RIPK2: variants seen among roughly 807,000 people sequenced by gnomAD.
The protein encoded by RIPK2 is receptor-interacting serine/threonine-protein kinase 2.
In RIPK2, 38 loss-of-function variants were observed where a neutral mutation model predicts 60.9. The observed-to-expected ratio is 0.62, with a 90% CI of 0.48 to 0.82. RIPK2 has a LOEUF of 0.82. Among genes scored for constraint, RIPK2 ranks in the 40% least tolerant of loss-of-function variants. The pLI is 0.00. For missense variants in RIPK2, 518 were observed against 647.0 expected (o/e 0.80, Z 2.16); for synonymous variants, 225 against 223.4 (o/e 1.01, Z -0.06).
intron 9 of RIPK2, among the ~76,000 whole-genome samples, chr8:89,788,303 A>T (rs1178862305): frequency 1.3e-5 from 2 of 151,728 alleles, no homozygotes; most frequent in Admixed American, 1.3e-4. Flanking sequence ...AGATTGCGCC[A>T]CTGCACTCCA....
At position 89,757,948 on chromosome 8, in the gene RIPK2, C is replaced by T. The variant is rs964517748; in HGVS notation, c.-113C>T. 14 of 1,413,436 alleles carry T rather than the reference C, an allele frequency of 9.9e-6. No individual in the cohort carries two copies. In the Admixed American group the frequency reaches 1.2e-4, roughly 12 times the overall value. The allele number at this position is 1,413,436 out of a possible 1,614,324, so 87.6% of individuals were successfully genotyped here. On this transcript the variant is annotated 5_prime_UTR_variant, in exon 1 of 11. Coordinates refer to ENST00000220751, the MANE Select transcript of RIPK2 (RefSeq NM_003821.6). Reference sequence around the variant, plus strand: ...CCTAGTGTTGCGGGGCAAAAAGGGTCTTGCCGGCCTCGCTCGTGCAGGGGC... The same window carrying T: ...CCTAGTGTTGCGGGGCAAAAAGGGTTTTGCCGGCCTCGCTCGTGCAGGGGC...
chr8:89,778,122 T>C (rs1809432018), intron 6 of RIPK2, among the ~76,000 whole-genome samples: 1 of 135,830 alleles, frequency 7.4e-6, no homozygotes, highest in African/African-American at 3.7e-5. Flanking sequence ...TATTTTTCCT[T>C]TTTTTAAAAA....
chr8:89,757,844 GTC>G lies in RIPK2; in HGVS notation c.-213_-212del. The stretch of plus-strand genomic sequence containing the variant: ...TCGCGGCGCTACGGCGTTGGCACCA[GTC>G]TCTAGAAAAGAAGTCAGCTCTGGTT... On this transcript the variant is annotated 5_prime_UTR_variant, in exon 1 of 11. Transcript: ENST00000220751. 7.7e-7 allele frequency: 1 copy of G among 1,307,064 alleles called. No individual in the cohort carries two copies. The highest frequency in any genetic ancestry group is 2.1e-5 in the South Asian group (1 of 47,670). 81.0% of individuals were successfully genotyped at this position (1,307,064 alleles called of 1,614,324 possible).
In RIPK2 at chr8:89,790,193, A is replaced by C. The variant is rs1352173765; in HGVS notation, c.1400A>C (p.Asp467Ala). 6.2e-7 allele frequency: 1 copy of C among 1,613,978 alleles called. No homozygotes were observed. The highest frequency in any genetic ancestry group is 1.3e-5 in the African/African-American group (1 of 74,912). The change falls in exon 11 of 11, where the codon GAC becomes GCC. Residue 467 changes from aspartate (D) to alanine (A), a missense_variant. By Grantham distance (126) the Asp-to-Ala change is moderately radical. This residue lies in a region of RIPK2 where 29 missense variants were observed against 68.6 expected (regional missense o/e 0.42). Coordinates refer to ENST00000220751, the MANE Select transcript of RIPK2 (RefSeq NM_003821.6). ...TCGCTAGATGCCCTTCTGTCCAGGG[A>C]CTTGATCATGAAAGAGGACTATGAA... The part of the protein sequence containing the change: ...NQSLDALLSR[D>A]LIMKEDYELV...
At position 89,781,339 on chromosome 8, in the gene RIPK2, T is replaced by G. The variant is rs567665670; in HGVS notation, c.939+1179T>G. Among the ~76,000 whole-genome samples, 169 of 143,142 alleles carry G rather than the reference T, an allele frequency of 1.2e-3. No homozygotes were observed. The Middle Eastern group carries it at 0.015, about 12-fold the overall frequency. The allele number at this position is 143,142 out of a possible 152,430, so 93.9% of individuals were successfully genotyped here. On this transcript the variant is annotated intron_variant, in intron 7 of 10. Coordinates refer to ENST00000220751, the MANE Select transcript of RIPK2 (RefSeq NM_003821.6). ...TTCCAGAAAATACCAATTTCTCTCT[T>G]CCTTAATAGATTGAATTTTTTTTTT...
intron 7 of RIPK2, among the ~76,000 whole-genome samples, chr8:89,783,642 G>T (rs1809536250): frequency 6.6e-6 from 1 of 152,156 alleles, no homozygotes; most frequent in African/African-American, 2.4e-5. Flanking sequence ...CAGGCACAGT[G>T]CCTAAAATGT....
intron 7 of RIPK2, among the ~76,000 whole-genome samples, chr8:89,781,360 T>TTTTTTTC (rs1809497004): frequency 1.2e-4 from 3 of 25,374 alleles, no homozygotes; most frequent in African/African-American, 5.5e-4. Context: ...TTGAATTTTT[T>TTTTTTTC]TTTTTTTTTT....
At position 89,786,608 on chromosome 8, in the gene RIPK2, T is replaced by C. The variant is rs747586469; in HGVS notation, c.1045T>C (p.Ser349Pro). The C allele has an allele frequency of 2.0e-5, 32 of 1,585,844 alleles. No individual in the cohort carries two copies. Among genetic ancestry groups the C allele is most frequent in the Non-Finnish European group, 2.7e-5 (31 of 1,156,736 alleles). Residue 349 changes from serine (S) to proline (P), a missense_variant, in exon 9 of 11, where the codon TCT (serine) becomes CCT (proline). Transcript: ENST00000220751. ...TTTACTTTAGGAATCATGTGGATCC[T>C]CTCAGCTCCATGAAAATAGTGGTTC... ...HGPQEESCGS[S>P]QLHENSGSPE...
Position 89,779,135 on chromosome 8 carries a change from A to G in RIPK2, c.854-940A>G, listed in dbSNP as rs76017449. Among the ~76,000 whole-genome samples the G allele has an allele frequency of 9.7e-3, 1,467 of 151,714 alleles. 38 individuals are homozygous for G. Among genetic ancestry groups the G allele is most frequent in the Admixed American group, 0.06 (909 of 15,240 alleles). Reference sequence around the variant, plus strand: ...CTTTTACTTGTTTTTTAATTTTGCTATTTTTCCTGTTATTGTCATGGGTCT... The same window carrying G: ...CTTTTACTTGTTTTTTAATTTTGCTGTTTTTCCTGTTATTGTCATGGGTCT... On this transcript the variant is annotated intron_variant, in intron 6 of 10. Coordinates refer to ENST00000220751, the MANE Select transcript of RIPK2 (RefSeq NM_003821.6).
chr8:89,767,863 T>G (rs971810073), intron 3 of RIPK2, among the ~76,000 whole-genome samples: 1 of 151,796 alleles, frequency 6.6e-6, no homozygotes, highest in Non-Finnish European at 1.5e-5. Flanking sequence ...ACAAGTGCAT[T>G]TTATCCATCT....
chr8:89,771,204 T>C (rs984442625), intron 4 of RIPK2, among the ~76,000 whole-genome samples: 1 of 151,876 alleles, frequency 6.6e-6, no homozygotes, highest in Non-Finnish European at 1.5e-5. Context: ...ATTCTATGTG[T>C]CCATTTTGAA....
intron 6 of RIPK2, among the ~76,000 whole-genome samples, chr8:89,779,315 T>TTTTG (rs1809456480): frequency 1.6e-5 from 2 of 125,444 alleles, no homozygotes; most frequent in Non-Finnish European, 1.7e-5. Flanking sequence ...TTTGGGTTTT[T>TTTTG]TTTTTTTTTT....
intron 1 of RIPK2, among the ~76,000 whole-genome samples, chr8:89,758,589 A>G (rs917278908): frequency 1.4e-4 from 22 of 152,054 alleles, no homozygotes; most frequent in African/African-American, 5.3e-4. Flanking sequence ...GTGTGTTTAT[A>G]TATAGTGGGT....
chr8:89,772,154 A>AAAATATCAT (rs1482151643), intron 5 of RIPK2, among the ~76,000 whole-genome samples: 85 of 152,006 alleles, frequency 5.6e-4, no homozygotes, highest in Non-Finnish European at 9.7e-4. Context: ...CTAGCTGTAA[A>AAAATATCAT]ATTATTTATA....
In RIPK2 at chr8:89,772,760, G is replaced by A. The variant is rs761517125; in HGVS notation, c.785G>A (p.Arg262Gln). 6.8e-6 allele frequency: 11 copies of A among 1,611,792 alleles called. No individual in the cohort carries two copies. In the African/African-American group the frequency reaches 8.0e-5, roughly 12 times the overall value. The change falls in exon 6 of 11, where the codon CGA (arginine) becomes CAA (glutamine). Residue 262 changes from arginine to glutamine, a missense_variant. By Grantham distance (43) the Arg-to-Gln change is conservative. Transcript: ENST00000220751. Reference sequence around the variant, plus strand: ...AGTTTGCCATATGATATACCTCACCGAGCACGTATGATCTCTCTAATAGAA... The same window carrying A: ...AGTTTGCCATATGATATACCTCACCAAGCACGTATGATCTCTCTAATAGAA... The part of the protein sequence containing the change: ...EESLPYDIPH[R>Q]ARMISLIESG...
chr8:89,771,029 T>G (rs1225723255), intron 4 of RIPK2, among the ~76,000 whole-genome samples: 3 of 151,864 alleles, frequency 2.0e-5, no homozygotes, highest in African/African-American at 7.2e-5. Context: ...TCTATAAAAA[T>G]GGGCCAATAA....
chr8:89,784,176 A>ACTCAAAAT, intron 8 of RIPK2, 37 bp downstream of exon 8: 1 of 1,285,392 alleles, frequency 7.8e-7, no homozygotes, highest in Non-Finnish European at 1.1e-6. Flanking sequence ...GTTATATTAA[A>ACTCAAAAT]CTCAAAATGT....
intron 2 of RIPK2, 59 bp downstream of exon 2, chr8:89,763,041 T>G: frequency 9.1e-7 from 1 of 1,100,056 alleles, no homozygotes; most frequent in South Asian, 3.1e-5. Flanking sequence ...AAACTATATT[T>G]TACTTTGATT....
intron 8 of RIPK2, among the ~76,000 whole-genome samples, chr8:89,785,193 G>C (rs143853580): frequency 6.6e-6 from 1 of 152,306 alleles, no homozygotes; most frequent in African/African-American, 2.4e-5. Flanking sequence ...ATTGTTTCAT[G>C]GGTGGACACG....
Sources: gnomAD v4.1 joint callset for allele counts (sites outside exome capture counted in the v4.1 genomes callset) on GRCh38, gnomAD v4.1.1 for gene constraint, gnomAD v4.1.1 regional missense constraint, MANE v1.5 for transcripts, NCBI Gene and HGNC (gene_info 2026-07-23, HGNC 2026-07-21) for gene names.